The following PXDN variants were observed in gnomAD, a reference collection of about 807,000 sequenced individuals.
PXDN encodes the protein peroxidasin, also known as peroxidasin homolog.
A neutral mutation model predicts 140.3 loss-of-function variants in PXDN; 77 were observed. The ratio of observed to expected loss-of-function variants is 0.55; its 90% CI spans 0.46 to 0.66. The LOEUF (loss-of-function observed/expected upper bound fraction) is 0.66, where lower values mean the gene tolerates loss of function less well. PXDN is among the 30% of genes least tolerant of loss of function. The probability of loss-of-function intolerance (pLI) is 0.00; values close to 1 mark genes in which losing one functional copy is unlikely to be tolerated. For synonymous variants in PXDN, 911 were observed against 857.4 expected, an observed-to-expected ratio of 1.06 and a Z score of -1.09; for missense variants, 1,838 against 2,039.5, an observed-to-expected ratio of 0.90 and a Z score of 1.90.
At chr2:1,657,683 C>A (rs1340052654) in intron 14 of PXDN, among the ~76,000 whole-genome samples, 1 of 151,644 alleles carries the variant, frequency 6.6e-6, no homozygotes, top group Non-Finnish European at 1.5e-5. Flanking sequence ...GGGACCAGCC[C>A]CTCCTGTGTG....
At chr2:1,738,646 T>A (rs1052796254) in intron 1 of PXDN, among the ~76,000 whole-genome samples, 1 of 151,750 alleles carries the variant, frequency 6.6e-6, no homozygotes, top group African/African-American at 2.4e-5. Flanking sequence ...CCTCCCAGGC[T>A]CAAGCGATTC....
Position 1,673,677 on chromosome 2 carries a change from C to T in PXDN, c.984G>A (p.Thr328=), listed in dbSNP as rs376438417. ...CGAAGTACCTGAGGGTCACCTCTTG[C>T]GTCTTCACCTCTCCGGCCACGTTCT... The part of the protein sequence containing the change: ...MAKNVAGEVK[T]QEVTLRYFGS... Residue 328 remains threonine, a synonymous_variant, in exon 9 of 23, where the codon ACG becomes ACA. Coordinates refer to ENST00000252804, the MANE Select transcript of PXDN (RefSeq NM_012293.3). The T allele has an allele frequency of 1.5e-5, 24 of 1,613,680 alleles. No homozygotes were observed. The highest frequency in any genetic ancestry group is 4.0e-5 in the African/African-American group (3 of 74,938).
chr2:1,744,697 G>A, upstream of PXDN: 1 of 317,430 alleles, frequency 3.2e-6, no homozygotes, highest in Non-Finnish European at 5.6e-6. Context: ...CATGGCCAAG[G>A]CGAGCGCTCG....
Position 1,648,861 on chromosome 2 carries a change from G to C in PXDN, c.2919C>G (p.Ala973=). ...GCTGCTCGTTGGCGCGGTGGTCCCC[G>C]GCCAGGAAGCAGGGGATGGGGCTCT... The part of the protein sequence containing the change: ...ENESPIPCFL[A]GDHRANEQLG... Residue 973 remains alanine, a synonymous_variant, in exon 17 of 23, where the codon GCC becomes GCG. Transcript: ENST00000252804. The surrounding 1 kb of genome is among the most constrained non-coding windows in gnomAD (Gnocchi z 8.9). 6.2e-7 allele frequency: 1 copy of C among 1,600,896 alleles called. No homozygotes were observed. Among genetic ancestry groups the C allele is most frequent in the South Asian group, 1.1e-5 (1 of 89,748 alleles).
chr2:1,682,028 T>C (rs11892515), intron 6 of PXDN, among the ~76,000 whole-genome samples: 105,934 of 152,142 alleles, frequency 0.7, 37,936 homozygotes, highest in African/African-American at 0.87. Flanking sequence ...ACACAGCGTG[T>C]TCTCTTGATG....
intron 8 of PXDN, 29 bp downstream of exon 8, chr2:1,676,897 CA>C (rs1558503851): frequency 6.3e-7 from 1 of 1,583,294 alleles, no homozygotes. Flanking sequence ...GAGAGATGCA[CA>C]GGGGCATTTC....
chr2:1,686,865 T>C (rs1400671004), intron 4 of PXDN, among the ~76,000 whole-genome samples: 1 of 152,214 alleles, frequency 6.6e-6, no homozygotes, highest in Non-Finnish European at 1.5e-5. Flanking sequence ...GATCAGCAGC[T>C]GTGGCAGGAG....
Position 1,656,538 on chromosome 2 carries a change from C to T in PXDN, c.1838-2030G>A, listed in dbSNP as rs191246117. On this transcript the variant is annotated intron_variant, in intron 14 of 22. Coordinates refer to ENST00000252804, the MANE Select transcript of PXDN (RefSeq NM_012293.3). ...CCTGCCCTCTCCTGACAGAAAGCTG[C>T]CCCCTCCTGACTGAAACCTGCCACT... Among the ~76,000 whole-genome samples the T allele has an allele frequency of 1.8e-4, 27 of 152,082 alleles. 1 individual carries two copies. The highest frequency in any genetic ancestry group is 1.6e-3 in the Admixed American group (25 of 15,282).
At chr2:1,722,426 T>C (rs568349948) in intron 1 of PXDN, among the ~76,000 whole-genome samples, 1 of 152,322 alleles carries the variant, frequency 6.6e-6, no homozygotes, top group East Asian at 1.9e-4. Flanking sequence ...TTGCGTGCAA[T>C]GCATGGGTTA....
Position 1,681,985 on chromosome 2 carries a change from G to C in PXDN, c.561-1623C>G, listed in dbSNP as rs533551731. On this transcript the variant is annotated intron_variant, in intron 6 of 22. Coordinates refer to ENST00000252804, the MANE Select transcript of PXDN (RefSeq NM_012293.3). The stretch of plus-strand genomic sequence containing the variant: ...GCCTGGGGCCCCTCAGGGATGTGAG[G>C]TTAGAGACTGCTCCGAGCAGACAGC... Among the ~76,000 whole-genome samples, 3 of 152,340 alleles carry C rather than the reference G, an allele frequency of 2.0e-5. No homozygotes were observed. The South Asian group carries it at 6.2e-4, about 32-fold the overall frequency.
At chr2:1,697,686 G>A (rs1282348875) in intron 1 of PXDN, among the ~76,000 whole-genome samples, 1 of 152,160 alleles carries the variant, frequency 6.6e-6, no homozygotes, top group African/African-American at 2.4e-5. Flanking sequence ...GCTCTTCCCT[G>A]GGGCTCCGTG....
At chr2:1,684,005 A>G in intron 5 of PXDN, 75 bp downstream of exon 5, 1 of 1,350,096 alleles carries the variant, frequency 7.4e-7, no homozygotes. Flanking sequence ...GTAGATATTG[A>G]CCTTAATCTA....
intron 1 of PXDN, among the ~76,000 whole-genome samples, chr2:1,720,432 G>A (rs1170260326): frequency 6.6e-6 from 1 of 151,934 alleles, no homozygotes; most frequent in Non-Finnish European, 1.5e-5. Context: ...CAGAGAGAGA[G>A]GTGGGGTTGA....
chr2:1,645,117 T>C (rs1002826028), intron 17 of PXDN, among the ~76,000 whole-genome samples: 2 of 152,188 alleles, frequency 1.3e-5, no homozygotes, highest in African/African-American at 4.8e-5. Context: ...ATATGAACAA[T>C]AAACTATATA....
In PXDN at chr2:1,633,254, TC is replaced by T. The variant is rs1682460063; in HGVS notation, c.*949del. 1 of 146,826 alleles carries T rather than the reference TC, an allele frequency of 6.8e-6. No homozygotes were observed. Among genetic ancestry groups the T allele is most frequent in the Admixed American group, 6.9e-5 (1 of 14,478 alleles). 9.1% of individuals were successfully genotyped at this position (146,826 alleles called of 1,614,324 possible). On this transcript the variant is annotated 3_prime_UTR_variant, in exon 23 of 23. Coordinates refer to ENST00000252804, the MANE Select transcript of PXDN (RefSeq NM_012293.3). Reference sequence around the variant, plus strand: ...GCTCCTCCTCCCTTGGGAAGAGCCATCCGGAAGCGGCTCTTGTTCAGGACGT... The same window carrying T: ...GCTCCTCCTCCCTTGGGAAGAGCCATCGGAAGCGGCTCTTGTTCAGGACGT...
rs1465065539 is a variant in PXDN at position 1,649,244 on chromosome 2, G to A, written c.2536C>T (p.His846Tyr). Reference protein sequence around the residue: ...LSQARFSDGQHCSNVCSNDPP... With the variant: ...LSQARFSDGQYCSNVCSNDPP... ...TCGTTGCTGCACACGTTGCTGCAGT[G>A]CTGTCCGTCGGAGAAGCGTGCCTGG... Residue 846 changes from histidine (H) to tyrosine (Y), a missense_variant, in exon 17 of 23, where the codon CAC (histidine) becomes TAC (tyrosine). Transcript: ENST00000252804. This position sits in a 1 kb window ranked among gnomAD's most constrained non-coding sequence, Gnocchi z 7.1. 3 of 1,612,998 alleles carry A rather than the reference G, an allele frequency of 1.9e-6. No homozygotes were observed. Among genetic ancestry groups the A allele is most frequent in the Admixed American group, 1.7e-5 (1 of 59,898 alleles).
chr2:1,666,127 G>A, intron 10 of PXDN, 87 bp downstream of exon 10: 1 of 1,514,946 alleles, frequency 6.6e-7, no homozygotes, highest in African/African-American at 1.4e-5. Flanking sequence ...AGATTCTATG[G>A]AGCGTCTGTG....
At chr2:1,686,498 T>C (rs1478965296) in intron 4 of PXDN, among the ~76,000 whole-genome samples, 1 of 152,134 alleles carries the variant, frequency 6.6e-6, no homozygotes, top group Non-Finnish European at 1.5e-5. Flanking sequence ...GATTTTCCGA[T>C]CCACTCAGGA....
At chr2:1,666,077 T>A (rs1683427655) in intron 10 of PXDN, 137 bp downstream of exon 10, 1 of 1,230,432 alleles carries the variant, frequency 8.1e-7, no homozygotes. Flanking sequence ...AAGGGGGGTG[T>A]AATGGATAAA....
Sources: allele counts gnomAD v4.1 joint callset (sites outside exome capture counted in the v4.1 genomes callset), GRCh38; gene constraint gnomAD v4.1.1; non-coding constraint Gnocchi (gnomAD v3.1); transcripts MANE v1.5; gene names NCBI Gene and HGNC (gene_info 2026-07-23, HGNC 2026-07-21).